TANC2: variants seen among roughly 807,000 people sequenced by gnomAD.
TANC2 encodes protein TANC2.
TANC2 carries 26 observed loss-of-function variants against 210.5 expected under a neutral mutation model. The ratio of observed to expected loss-of-function variants is 0.12; its 90% CI spans 0.09 to 0.17. The LOEUF is 0.17. Among genes scored for constraint, TANC2 ranks in the 10% least tolerant of loss-of-function variants. The pLI, the probability that TANC2 is intolerant of heterozygous loss-of-function variation, is 1.00. For missense variants in TANC2, 2,129 were observed against 2,608.9 expected (o/e 0.82, Z 4.01); for synonymous variants, 931 against 967.1 (o/e 0.96, Z 0.69).
chr17:63,022,597 A>G (rs1365323701), intron 2 of TANC2, among the ~76,000 whole-genome samples: 1 of 152,224 alleles, frequency 6.6e-6, no homozygotes, highest in Non-Finnish European at 1.5e-5. Flanking sequence ...ACCAGTTACT[A>G]AAGAGATTAG....
intron 4 of TANC2, among the ~76,000 whole-genome samples, chr17:63,123,947 C>A (rs1379331077): frequency 6.6e-6 from 1 of 152,002 alleles, no homozygotes; most frequent in South Asian, 2.1e-4. Context: ...GTGATCCACC[C>A]GCCTTGGCCT....
At chr17:63,080,624 C>G (rs1171903301) in intron 3 of TANC2, among the ~76,000 whole-genome samples, 1 of 152,198 alleles carries the variant, frequency 6.6e-6, no homozygotes, top group Non-Finnish European at 1.5e-5. Context: ...TTCTGATCCT[C>G]TTTCCTTGCA....
intron 4 of TANC2, among the ~76,000 whole-genome samples, chr17:63,105,709 C>T (rs1336429064): frequency 1.3e-5 from 2 of 151,400 alleles, no homozygotes; most frequent in African/African-American, 4.9e-5. Context: ...TTATAAACAT[C>T]CTGGAAAAAT....
intron 2 of TANC2, among the ~76,000 whole-genome samples, chr17:63,016,990 T>C (rs542893693): frequency 2.0e-5 from 3 of 152,336 alleles, no homozygotes; most frequent in South Asian, 2.1e-4. Flanking sequence ...TCTCCCATAA[T>C]AGGGGTTGTC....
intron 8 of TANC2, among the ~76,000 whole-genome samples, chr17:63,255,133 C>T: frequency 6.6e-6 from 1 of 151,414 alleles, no homozygotes. Flanking sequence ...GAGACGAAGT[C>T]TCACTCTGTC....
chr17:63,183,339 A>C (rs2040857338), intron 5 of TANC2, among the ~76,000 whole-genome samples: 1 of 152,282 alleles, frequency 6.6e-6, no homozygotes, highest in Admixed American at 6.5e-5. Flanking sequence ...GGCAGCATGA[A>C]TCTTCCACAG....
chr17:63,048,544 A>G (rs1343076344), intron 2 of TANC2, among the ~76,000 whole-genome samples: 2 of 152,110 alleles, frequency 1.3e-5, no homozygotes, highest in Non-Finnish European at 2.9e-5. Context: ...TCCCAGTACC[A>G]TTTGTTGAAT....
chr17:63,410,590 T>A (rs2048663454), intron 21 of TANC2, among the ~76,000 whole-genome samples: 1 of 151,876 alleles, frequency 6.6e-6, no homozygotes, highest in African/African-American at 2.4e-5. Context: ...TCTGCTCAGC[T>A]CAGAAAACAT....
At chr17:63,127,568 A>G (rs1367928379) in intron 4 of TANC2, among the ~76,000 whole-genome samples, 1 of 152,210 alleles carries the variant, frequency 6.6e-6, no homozygotes, top group Non-Finnish European at 1.5e-5. Context: ...AGTAGAAATG[A>G]TTTCTTTATG....
intron 9 of TANC2, among the ~76,000 whole-genome samples, chr17:63,314,057 A>G (rs1400351449): frequency 1.3e-5 from 2 of 152,126 alleles, no homozygotes; most frequent in Admixed American, 1.3e-4. Context: ...TCCCTTCTTC[A>G]CTAGGCTTGC....
At chr17:63,112,919 G>C (rs1002232492) in intron 4 of TANC2, among the ~76,000 whole-genome samples, 1 of 152,010 alleles carries the variant, frequency 6.6e-6, no homozygotes, top group African/African-American at 2.4e-5. Flanking sequence ...ACCTTCCCCA[G>C]AAAACTCACC....
intron 5 of TANC2, among the ~76,000 whole-genome samples, chr17:63,161,757 G>T (rs2040034080): frequency 6.6e-6 from 1 of 152,086 alleles, no homozygotes; most frequent in African/African-American, 2.4e-5. Flanking sequence ...TGACTCTGCT[G>T]TCATCACCAG....
intron 9 of TANC2, among the ~76,000 whole-genome samples, chr17:63,273,806 A>G (rs2043792374): frequency 2.0e-5 from 3 of 152,178 alleles, no homozygotes; most frequent in Admixed American, 2.0e-4. Flanking sequence ...GGCATTATCT[A>G]GGAAGTTTTC....
chr17:63,123,947 C>T (rs1379331077), intron 4 of TANC2, among the ~76,000 whole-genome samples: 3 of 152,000 alleles, frequency 2.0e-5, no homozygotes, highest in Non-Finnish European at 4.4e-5. Context: ...GTGATCCACC[C>T]GCCTTGGCCT....
intron 15 of TANC2, among the ~76,000 whole-genome samples, chr17:63,387,504 G>C (rs1599003160): frequency 6.6e-6 from 1 of 152,174 alleles, no homozygotes; most frequent in Non-Finnish European, 1.5e-5. Context: ...TCCTGATTTT[G>C]GGTATATGTA....
chr17:63,153,649 G>C (rs923896012), intron 5 of TANC2: 2 of 152,144 alleles, frequency 1.3e-5, no homozygotes, highest in Admixed American at 6.6e-5. Context: ...TTACAGGGCT[G>C]CTGCAGGCTA....
chr17:63,341,238 A>G (rs2146797396), intron 12 of TANC2, among the ~76,000 whole-genome samples: 1 of 152,280 alleles, frequency 6.6e-6, no homozygotes, highest in East Asian at 1.9e-4. Flanking sequence ...GGATATCAGA[A>G]TTTCTCTTTC....
intron 1 of TANC2, among the ~76,000 whole-genome samples, chr17:62,977,689 A>AT (rs1243463067): frequency 1.3e-5 from 2 of 151,820 alleles, no homozygotes; most frequent in East Asian, 1.9e-4. Context: ...CATTCTACCT[A>AT]TTTTTTTAAA....
chr17:63,214,356 C>G (rs2041969746), intron 7 of TANC2, among the ~76,000 whole-genome samples: 1 of 152,244 alleles, frequency 6.6e-6, no homozygotes, highest in Non-Finnish European at 1.5e-5. Context: ...ATTAGTAACA[C>G]AGACCTAACT....
Sources: allele counts gnomAD v4.1 joint callset (sites outside exome capture counted in the v4.1 genomes callset), GRCh38; gene constraint gnomAD v4.1.1; transcripts MANE v1.5; gene names NCBI Gene and HGNC (gene_info 2026-07-23, HGNC 2026-07-21).